FSTL4: variants seen among roughly 807,000 people sequenced by gnomAD.
The protein encoded by FSTL4 is follistatin like 4, also known as follistatin-related protein 4.
In FSTL4, 28 loss-of-function variants were observed where a neutral mutation model predicts 78.2. That is an observed-to-expected ratio of 0.36 (90% CI 0.27 to 0.49). The LOEUF (loss-of-function observed/expected upper bound fraction) is 0.49, where lower values mean the gene tolerates loss of function less well. FSTL4 is among the 20% of genes least tolerant of loss of function. The probability of loss-of-function intolerance (pLI) is 0.98; values close to 1 mark genes in which losing one functional copy is unlikely to be tolerated. For synonymous variants in FSTL4, 422 were observed against 440.5 expected (o/e 0.96, Z 0.53); for missense variants, 922 against 1,084.9 (o/e 0.85, Z 2.11).
intron 7 of FSTL4, chr5:133,247,240 G>A (rs770338082): frequency 6.6e-6 from 1 of 152,184 alleles, no homozygotes; most frequent in Non-Finnish European, 1.5e-5. Context: ...GAGATAATGA[G>A]GGGCCATTCA....
At chr5:133,228,786 C>T (rs115293102) in intron 8 of FSTL4, among the ~76,000 whole-genome samples, 235 of 152,070 alleles carry the variant, frequency 1.5e-3, no homozygotes, top group Non-Finnish European at 2.6e-3. Flanking sequence ...AAAGAAGAAA[C>T]GACACCATTC....
the FSTL4 span, among the ~76,000 whole-genome samples, chr5:133,730,992 G>A: frequency 6.6e-6 from 1 of 152,198 alleles, no homozygotes; most frequent in Non-Finnish European, 1.5e-5. Flanking sequence ...ACATTTTAGG[G>A]CCAGATGGCC....
At chr5:133,662,742 C>T in the FSTL4 span, among the ~76,000 whole-genome samples, 2 of 152,156 alleles carry the variant, frequency 1.3e-5, no homozygotes, top group Admixed American at 6.5e-5. Context: ...TTACTGTGAA[C>T]GCTCCTGTAG....
At chr5:133,685,923 C>A in the FSTL4 span, among the ~76,000 whole-genome samples, 3 of 152,198 alleles carry the variant, frequency 2.0e-5, no homozygotes, top group Admixed American at 2.0e-4. Flanking sequence ...TTATTCGCCA[C>A]ACAATCTCTT....
At chr5:133,502,465 T>C (rs13157261) in intron 3 of FSTL4, among the ~76,000 whole-genome samples, 26,513 of 152,166 alleles carry the variant, frequency 0.17, 2,405 homozygotes, top group South Asian at 0.3. Flanking sequence ...TTTGGATCTG[T>C]GTCCCCACGA....
chr5:133,807,473 A>T, the FSTL4 span, among the ~76,000 whole-genome samples: 2 of 152,234 alleles, frequency 1.3e-5, no homozygotes, highest in Non-Finnish European at 2.9e-5. Context: ...ATCAAAGAGG[A>T]TGTTCTGCAA....
chr5:133,360,473 ATTTTTTTTTTTTTTT>A (rs57176651), intron 4 of FSTL4, among the ~76,000 whole-genome samples: 2 of 130,992 alleles, frequency 1.5e-5, no homozygotes, highest in African/African-American at 5.7e-5. Flanking sequence ...TCAGGCAATA[ATTTTTTTTTTTTTTT>A]TTTTTTTGCA....
intron 2 of FSTL4, among the ~76,000 whole-genome samples, chr5:133,591,848 C>T (rs1477184158): frequency 6.6e-6 from 1 of 152,048 alleles, no homozygotes; most frequent in Non-Finnish European, 1.5e-5. Context: ...TAAGCCTGAG[C>T]CCATGAAGGC....
At chr5:133,288,359 C>T (rs1317820758) in intron 6 of FSTL4, among the ~76,000 whole-genome samples, 1 of 152,188 alleles carries the variant, frequency 6.6e-6, no homozygotes, top group African/African-American at 2.4e-5. Flanking sequence ...GAGCCCCAGG[C>T]ACCCTCAGCA....
intron 3 of FSTL4, among the ~76,000 whole-genome samples, chr5:133,469,215 C>T (rs1405754611): frequency 2.0e-5 from 3 of 152,092 alleles, no homozygotes; most frequent in South Asian, 2.1e-4. Flanking sequence ...GTGAAGAGGC[C>T]GAATGGCGAT....
the FSTL4 span, among the ~76,000 whole-genome samples, chr5:133,762,931 C>T: frequency 6.6e-6 from 1 of 152,198 alleles, no homozygotes; most frequent in African/African-American, 2.4e-5. Flanking sequence ...TGGATACTGG[C>T]AAGGCACCCA....
At chr5:133,449,615 C>G (rs1580716000) in intron 3 of FSTL4, among the ~76,000 whole-genome samples, 1 of 152,090 alleles carries the variant, frequency 6.6e-6, no homozygotes, top group Non-Finnish European at 1.5e-5. Flanking sequence ...ACAGGGAGAG[C>G]CTTCCTCAAG....
chr5:133,387,237 C>A (rs1432268090), intron 4 of FSTL4, among the ~76,000 whole-genome samples: 1 of 152,192 alleles, frequency 6.6e-6, no homozygotes, highest in East Asian at 1.9e-4. Context: ...CACTGACACA[C>A]ACTGAAAGGG....
the FSTL4 span, among the ~76,000 whole-genome samples, chr5:133,655,182 T>C: frequency 2.0e-5 from 3 of 152,338 alleles, no homozygotes; most frequent in East Asian, 5.8e-4. Flanking sequence ...AGGTTCTTCC[T>C]TCTTTTCACC....
At chr5:133,266,807 C>T (rs1752652650) in intron 6 of FSTL4, among the ~76,000 whole-genome samples, 1 of 152,198 alleles carries the variant, frequency 6.6e-6, no homozygotes, top group African/African-American at 2.4e-5. Flanking sequence ...CCTCTGCTGC[C>T]CTGCTCAGAG....
chr5:133,336,063 C>G (rs923243969), intron 4 of FSTL4, among the ~76,000 whole-genome samples: 3 of 152,248 alleles, frequency 2.0e-5, no homozygotes, highest in African/African-American at 7.2e-5. Flanking sequence ...ACTACCGGGA[C>G]TTACTGTAAC....
At chr5:133,839,590 A>G in the FSTL4 span, among the ~76,000 whole-genome samples, 169 of 152,338 alleles carry the variant, frequency 1.1e-3, 5 homozygotes, top group East Asian at 0.027. Flanking sequence ...ATTGTACAGA[A>G]CATGCAAACA....
rs575740130 is a variant in FSTL4, at chr5:133,560,207, G to C, written c.160+6979C>G. Among the ~76,000 whole-genome samples, 27 of 152,328 alleles carry C rather than the reference G, an allele frequency of 1.8e-4. No individual in the cohort carries two copies. In the South Asian group the frequency reaches 5.4e-3, roughly 30 times the overall value. ...GATTTACATACCTCAGGTTCGGATA[G>C]CATCACTGGCAGATCCATCGTGAGC... is the stretch of plus-strand genomic sequence containing the variant. On this transcript the variant is annotated intron_variant, in intron 3 of 15. Transcript: ENST00000265342.
chr5:133,664,320 T>TA, the FSTL4 span, among the ~76,000 whole-genome samples: 37 of 151,376 alleles, frequency 2.4e-4, no homozygotes, highest in South Asian at 2.5e-3. Context: ...CTTTTTTTTT[T>TA]AAAAAAAATT....
Sources: gnomAD v4.1 joint callset for allele counts (sites outside exome capture counted in the v4.1 genomes callset) on GRCh38, gnomAD v4.1.1 for gene constraint, MANE v1.5 for transcripts, NCBI Gene and HGNC (gene_info 2026-07-23, HGNC 2026-07-21) for gene names.